Variants in PHYHIPL observed in about 807,000 individuals in gnomAD.
PHYHIPL encodes phytanoyl-CoA hydroxylase-interacting protein-like.
A neutral mutation model predicts 33.4 loss-of-function variants in PHYHIPL; 9 were observed. That is an observed-to-expected ratio of 0.27 (90% CI 0.16 to 0.47). PHYHIPL has a LOEUF of 0.47. PHYHIPL is among the 20% of genes least tolerant of loss of function. The pLI, the probability that PHYHIPL is intolerant of heterozygous loss-of-function variation, is 0.99. For synonymous variants in PHYHIPL, 153 were observed against 154.1 expected (o/e 0.99, Z 0.05); for missense variants, 365 against 460.7 (o/e 0.79, Z 1.90).
intron 1 of PHYHIPL, among the ~76,000 whole-genome samples, chr10:59,207,189 C>A (rs1839309492): frequency 1.3e-5 from 2 of 152,202 alleles, no homozygotes; most frequent in Admixed American, 1.3e-4. Flanking sequence ...GAGATCAACA[C>A]AGAAGGTGGG....
In PHYHIPL at chr10:59,245,870, G is replaced by T; in HGVS notation, c.*279G>T. On this transcript the variant is annotated 3_prime_UTR_variant, in exon 5 of 5. Transcript: ENST00000373880. ...TGCAATGTTTTTATGTTTCCTTTAT[G>T]CCAAACATAACAAAACAGTTATATA... The T allele has an allele frequency of 2.7e-6, 1 of 368,716 alleles. No homozygotes were observed. The highest frequency in any genetic ancestry group is 4.5e-5 in the South Asian group (1 of 22,038). The allele number at this position is 368,716 out of a possible 1,614,324, so 22.8% of individuals were successfully genotyped here.
intron 1 of PHYHIPL, among the ~76,000 whole-genome samples, chr10:59,191,572 G>A (rs1350939008): frequency 6.6e-6 from 1 of 151,882 alleles, no homozygotes; most frequent in Non-Finnish European, 1.5e-5. Flanking sequence ...ATGAAAAGTT[G>A]TCAGTTTTTA....
intron 1 of PHYHIPL, among the ~76,000 whole-genome samples, chr10:59,196,414 C>A (rs924714223): frequency 3.4e-5 from 5 of 147,144 alleles, no homozygotes; most frequent in Non-Finnish European, 4.5e-5. Context: ...ACACTGTCAA[C>A]ATTTTTTTTT....
intron 1 of PHYHIPL, among the ~76,000 whole-genome samples, chr10:59,194,470 A>G (rs1812051532): frequency 6.6e-6 from 1 of 152,188 alleles, no homozygotes; most frequent in African/African-American, 2.4e-5. Context: ...TATTTCCCTG[A>G]ATGCATGCAT....
chr10:59,176,559 A>C (rs559790860), upstream of PHYHIPL: 235,928 of 236,144 alleles, frequency 1, 117,856 homozygotes, highest in East Asian at 1. Context: ...GAAGCCCTAT[A>C]CATCACGTTC....
chr10:59,222,227 C>A (rs774825369), intron 1 of PHYHIPL, among the ~76,000 whole-genome samples: 38 of 151,740 alleles, frequency 2.5e-4, no homozygotes, highest in Non-Finnish European at 5.3e-4. Context: ...GGGTGAAATG[C>A]CATTTGGATA....
rs530532424 is a variant in PHYHIPL, at chr10:59,235,828, A to G, written c.304-655A>G. 2.6e-5 allele frequency among the ~76,000 whole-genome samples: 4 copies of G among 152,012 alleles called. No homozygotes were observed. The East Asian group carries it at 5.8e-4, about 22-fold the overall frequency. On this transcript the variant is annotated intron_variant, in intron 2 of 4. Transcript: ENST00000373880. Reference sequence around the variant, plus strand: ...ACTAAGCATTTTTTAGAAATACGTAAACTTTTCTGTGACACATAGACTCTA... The same window carrying G: ...ACTAAGCATTTTTTAGAAATACGTAGACTTTTCTGTGACACATAGACTCTA...
intron 1 of PHYHIPL, among the ~76,000 whole-genome samples, chr10:59,179,258 G>A (rs976008890): frequency 6.6e-6 from 1 of 152,230 alleles, no homozygotes; most frequent in South Asian, 2.1e-4. Context: ...TTTTCAGCTA[G>A]TTGCTTTTTA....
chr10:59,229,949 G>A (rs146469433), intron 1 of PHYHIPL, among the ~76,000 whole-genome samples: 71 of 152,192 alleles, frequency 4.7e-4, no homozygotes, highest in Middle Eastern at 3.4e-3. Flanking sequence ...GTCTTTCTCA[G>A]GCCATATTTA....
intron 1 of PHYHIPL, chr10:59,177,559 G>C (rs1437531029): frequency 6.4e-7 from 1 of 1,551,702 alleles, no homozygotes; most frequent in Non-Finnish European, 8.7e-7. Context: ...CCTGGGCTCT[G>C]AGTCAGACTG....
intron 1 of PHYHIPL, among the ~76,000 whole-genome samples, chr10:59,199,865 A>G (rs1196879886): frequency 6.6e-6 from 1 of 152,048 alleles, no homozygotes; most frequent in Non-Finnish European, 1.5e-5. Context: ...TTTGTCTGTT[A>G]TTGGTGTATA....
chr10:59,210,479 G>A (rs536472962), intron 1 of PHYHIPL, among the ~76,000 whole-genome samples: 1 of 152,322 alleles, frequency 6.6e-6, no homozygotes, highest in African/African-American at 2.4e-5. Flanking sequence ...CTGTTGGTGG[G>A]AGTGTAAATT....
intron 1 of PHYHIPL, among the ~76,000 whole-genome samples, chr10:59,229,643 G>T (rs1254495838): frequency 6.6e-6 from 1 of 151,964 alleles, no homozygotes; most frequent in East Asian, 1.9e-4. Flanking sequence ...AGTCTCCAGG[G>T]ATGCCATGTG....
At chr10:59,230,823 C>T (rs560719220) in intron 1 of PHYHIPL, among the ~76,000 whole-genome samples, 21 of 151,746 alleles carry the variant, frequency 1.4e-4, no homozygotes, top group African/African-American at 3.1e-4. Context: ...AAAACCATGG[C>T]GGGGGGGCTT....
chr10:59,245,578 G>GTGT lies in PHYHIPL; in HGVS notation c.1121_1123dup (p.Val374dup). 1 of 1,596,294 alleles carries GTGT rather than the reference G, an allele frequency of 6.3e-7. No homozygotes were observed. Among genetic ancestry groups the GTGT allele is most frequent in the Non-Finnish European group, 8.5e-7 (1 of 1,172,832 alleles). ...CCCAGCTGCAAAACCTGTAATATCA[G>GTGT]TGTTGGACGTTAATGCCCACTTTTC... is the stretch of plus-strand genomic sequence containing the variant. On this transcript the variant is annotated inframe_insertion, in exon 5 of 5. Coordinates refer to ENST00000373880, the MANE Select transcript of PHYHIPL (RefSeq NM_032439.4).
intron 1 of PHYHIPL, among the ~76,000 whole-genome samples, chr10:59,209,410 C>T (rs1329304721): frequency 2.0e-5 from 3 of 152,190 alleles, no homozygotes; most frequent in Non-Finnish European, 4.4e-5. Flanking sequence ...GCCTGCCTTA[C>T]AAAAGCTTCT....
At chr10:59,183,695 C>T in intron 1 of PHYHIPL, 1 of 984,332 alleles carries the variant, frequency 1.0e-6, no homozygotes, top group Non-Finnish European at 1.2e-6. Context: ...CCAAGAACGT[C>T]ATACTTGGAA....
intron 1 of PHYHIPL, among the ~76,000 whole-genome samples, chr10:59,215,515 A>G (rs1839590024): frequency 6.6e-6 from 1 of 152,026 alleles, no homozygotes; most frequent in Non-Finnish European, 1.5e-5. Context: ...AATATTTGCT[A>G]TTTTTGACAC....
At chr10:59,212,947 T>G (rs1022236016) in intron 1 of PHYHIPL, among the ~76,000 whole-genome samples, 3 of 152,174 alleles carry the variant, frequency 2.0e-5, no homozygotes, top group African/African-American at 7.2e-5. Flanking sequence ...TCTATTTGAC[T>G]TCACTAGAAA....
Sources: allele counts gnomAD v4.1 joint callset (sites outside exome capture counted in the v4.1 genomes callset), GRCh38; gene constraint gnomAD v4.1.1; transcripts MANE v1.5; gene names NCBI Gene and HGNC (gene_info 2026-07-23, HGNC 2026-07-21).